LPP: variants seen among roughly 807,000 people sequenced by gnomAD.
LPP encodes the protein LIM domain containing preferred translocation partner in lipoma, also known as lipoma-preferred partner.
LPP carries 38 observed loss-of-function variants against 60.4 expected under a neutral mutation model. The observed-to-expected ratio is 0.63, with a 90% confidence interval of 0.49 to 0.83. The LOEUF (loss-of-function observed/expected upper bound fraction) is 0.83. Among genes scored for constraint, LPP ranks in the 40% least tolerant of loss-of-function variants. The pLI, the probability that LPP is intolerant of heterozygous loss-of-function variation, is 0.00. For synonymous variants in LPP, 328 were observed against 290.8 expected (o/e 1.13, Z -1.30); for missense variants, 902 against 783.6 (o/e 1.15, Z -1.80).
At chr3:188,612,046 A>G (rs947575261) in intron 7 of LPP, among the ~76,000 whole-genome samples, 5 of 152,238 alleles carry the variant, frequency 3.3e-5, no homozygotes, top group Admixed American at 6.5e-5. Flanking sequence ...AAGATGATCT[A>G]TTAGATGATT....
intron 3 of LPP, among the ~76,000 whole-genome samples, chr3:188,365,652 T>A (rs1310591360): frequency 3.9e-5 from 6 of 152,058 alleles, no homozygotes; most frequent in Admixed American, 2.6e-4. Context: ...GCTCAAAACA[T>A]CTTGGTAATG....
At chr3:188,770,879 C>G (rs1294002957) in intron 9 of LPP, among the ~76,000 whole-genome samples, 1 of 152,162 alleles carries the variant, frequency 6.6e-6, no homozygotes, top group Non-Finnish European at 1.5e-5. Flanking sequence ...AGAATGAAAA[C>G]AAACAATAAG....
chr3:188,630,812 G>A (rs911427668), intron 7 of LPP, among the ~76,000 whole-genome samples: 1 of 152,094 alleles, frequency 6.6e-6, no homozygotes, highest in African/African-American at 2.4e-5. Flanking sequence ...AAGAAAATAT[G>A]GTATGTATGC....
chr3:188,380,621 C>G (rs986228441), intron 3 of LPP, among the ~76,000 whole-genome samples: 2 of 152,206 alleles, frequency 1.3e-5, no homozygotes, highest in Non-Finnish European at 2.9e-5. Flanking sequence ...ATGTCACAGA[C>G]TTTTGCAAGA....
chr3:188,458,303 C>G (rs1441064677), intron 4 of LPP, among the ~76,000 whole-genome samples: 2 of 152,186 alleles, frequency 1.3e-5, no homozygotes, highest in African/African-American at 4.8e-5. Context: ...TTAGCTGAGA[C>G]TCACTTGAAG....
intron 2 of LPP, among the ~76,000 whole-genome samples, chr3:188,258,889 T>C (rs1732610159): frequency 6.6e-6 from 1 of 152,154 alleles, no homozygotes; most frequent in Admixed American, 6.5e-5. Flanking sequence ...TTGAGATGTC[T>C]TAGGCTGTGG....
At chr3:188,269,327 T>C (rs1332887400) in intron 2 of LPP, among the ~76,000 whole-genome samples, 1 of 149,032 alleles carries the variant, frequency 6.7e-6, no homozygotes, top group African/African-American at 2.5e-5. Flanking sequence ...GGGGTATTGA[T>C]TTCCCCGTCT....
chr3:188,889,466 C>T lies in LPP; in HGVS notation c.*14987C>T, dbSNP rs1005159590. On this transcript the variant is annotated 3_prime_UTR_variant, in exon 12 of 12. Transcript: ENST00000617246. ...TTACACTTGCCAAGTCGTTCCCTTT[C>T]CTTCTAAGTCAGTTGGCTCCATATT... 1 of 231,386 alleles carries T rather than the reference C, an allele frequency of 4.3e-6. No homozygotes were observed. Among genetic ancestry groups the T allele is most frequent in the Non-Finnish European group, 8.6e-6 (1 of 116,766 alleles). The allele number at this position is 231,386 out of a possible 1,614,324, so 14.3% of individuals were successfully genotyped here. A position where few individuals can be genotyped will look rare whatever the true frequency, so the allele number is the denominator to read the frequency against.
chr3:188,537,917 T>A (rs999743366), intron 6 of LPP, among the ~76,000 whole-genome samples: 1 of 152,122 alleles, frequency 6.6e-6, no homozygotes, highest in Non-Finnish European at 1.5e-5. Context: ...TGGAGTAGAA[T>A]TGAGAGTCCA....
At chr3:188,224,961 T>G (rs1717192525) in intron 1 of LPP, among the ~76,000 whole-genome samples, 2 of 152,178 alleles carry the variant, frequency 1.3e-5, no homozygotes, top group South Asian at 4.1e-4. Context: ...CAAGATTGTT[T>G]ATCCCTCTGC....
intron 6 of LPP, among the ~76,000 whole-genome samples, chr3:188,582,411 C>T (rs1168848913): frequency 6.6e-6 from 1 of 151,724 alleles, no homozygotes; most frequent in Admixed American, 6.6e-5. Context: ...GAACTCCTGA[C>T]CTCAACTGAT....
chr3:188,308,554 C>T (rs142267759), intron 2 of LPP, among the ~76,000 whole-genome samples: 100 of 152,168 alleles, frequency 6.6e-4, no homozygotes, highest in African/African-American at 2.3e-3. Flanking sequence ...GCCCAGGCAC[C>T]GAACAATCGA....
At chr3:188,430,920 T>C (rs528835514) in intron 4 of LPP, among the ~76,000 whole-genome samples, 2 of 152,288 alleles carry the variant, frequency 1.3e-5, no homozygotes, top group South Asian at 4.1e-4. Context: ...TAATTAACTT[T>C]TTTTTTCTTT....
intron 9 of LPP, among the ~76,000 whole-genome samples, chr3:188,839,810 G>A (rs1012196743): frequency 2.0e-5 from 3 of 151,970 alleles, no homozygotes; most frequent in Admixed American, 6.6e-5. Flanking sequence ...CCAGGGAGTC[G>A]GAGGTTGCAG....
intron 2 of LPP, among the ~76,000 whole-genome samples, chr3:188,306,308 T>C (rs750985085): frequency 6.6e-6 from 1 of 151,880 alleles, no homozygotes; most frequent in Non-Finnish European, 1.5e-5. Flanking sequence ...AGGCTGGGCT[T>C]GAACTCCTGA....
intron 9 of LPP, among the ~76,000 whole-genome samples, chr3:188,842,927 AT>A (rs1414880467): frequency 6.6e-6 from 1 of 152,218 alleles, no homozygotes; most frequent in Non-Finnish European, 1.5e-5. Flanking sequence ...TCTGACCTCT[AT>A]CACCAGAAAT....
At chr3:188,765,889 G>C (rs1230218992) in intron 9 of LPP, among the ~76,000 whole-genome samples, 1 of 37,636 alleles carries the variant, frequency 2.7e-5, no homozygotes, top group Admixed American at 2.8e-4. Context: ...TTTTTTTTTG[G>C]AGACAGGGTC....
intron 6 of LPP, among the ~76,000 whole-genome samples, chr3:188,595,934 T>A (rs1839899044): frequency 6.6e-6 from 1 of 152,200 alleles, no homozygotes; most frequent in African/African-American, 2.4e-5. Flanking sequence ...GAGAGTCCCT[T>A]GCTTCCAAAT....
intron 3 of LPP, among the ~76,000 whole-genome samples, chr3:188,366,313 C>T (rs554483163): frequency 6.6e-6 from 1 of 152,322 alleles, no homozygotes; most frequent in East Asian, 1.9e-4. Flanking sequence ...ATTCCACATC[C>T]TGGCTATTGT....
Sources: gnomAD v4.1 joint callset for allele counts (sites outside exome capture counted in the v4.1 genomes callset) on GRCh38, gnomAD v4.1.1 for gene constraint, MANE v1.5 for transcripts, NCBI Gene and HGNC (gene_info 2026-07-23, HGNC 2026-07-21) for gene names.